MEGF10: variants seen among roughly 807,000 people sequenced by gnomAD.
MEGF10 encodes multiple EGF like domains 10.
Under a neutral mutation model 147.5 loss-of-function variants are expected in MEGF10, and 86 were observed. The observed-to-expected ratio is 0.58, with a 90% confidence interval of 0.49 to 0.70. The LOEUF (loss-of-function observed/expected upper bound fraction) is 0.70. MEGF10 is among the 30% of genes least tolerant of loss of function. The probability of loss-of-function intolerance (pLI) is 0.00; values close to 1 mark genes in which losing one functional copy is unlikely to be tolerated. For synonymous variants in MEGF10, 478 were observed against 525.5 expected (o/e 0.91, Z 1.24); for missense variants, 1,329 against 1,487.3 (o/e 0.89, Z 1.75).
intron 4 of MEGF10, among the ~76,000 whole-genome samples, chr5:127,341,779 T>C (rs913264494): frequency 2.0e-5 from 3 of 152,218 alleles, no homozygotes; most frequent in African/African-American, 7.2e-5. Context: ...TTCTGTAACA[T>C]ATTGCAAATG....
intron 6 of MEGF10, among the ~76,000 whole-genome samples, chr5:127,397,192 G>A (rs1763951820): frequency 6.6e-6 from 1 of 152,204 alleles, no homozygotes; most frequent in Non-Finnish European, 1.5e-5. Flanking sequence ...ATTAGCTGGG[G>A]AAAGCTGGGT....
the MEGF10 span, chr5:127,229,453 G>A: frequency 6.6e-6 from 1 of 152,022 alleles, no homozygotes; most frequent in East Asian, 2.0e-4. Context: ...TCACCTCGCC[G>A]GGTCGAGGCC....
chr5:127,396,637 T>G lies in MEGF10; in HGVS notation c.518T>G (p.Phe173Cys). The G allele has an allele frequency of 6.2e-7, 1 of 1,614,028 alleles. No individual in the cohort carries two copies. Among genetic ancestry groups the G allele is most frequent in the Non-Finnish European group, 8.5e-7 (1 of 1,179,978 alleles). The change falls in exon 6 of 25, where the codon TTC (phenylalanine) becomes TGC (cysteine). Residue 173 changes from phenylalanine to cysteine, a missense_variant. Phe to Cys is a radical substitution (Grantham distance 205). This residue lies in a region of MEGF10 where 980 missense variants were observed against 1,085.9 expected (regional missense o/e 0.90). Coordinates refer to ENST00000503335, the MANE Select transcript of MEGF10 (RefSeq NM_001256545.2). ...ITGACHCAAGFRGWRCEDRCE... is the reference protein window; with the variant it reads ...ITGACHCAAGCRGWRCEDRCE... ...GGGGCTTGCCACTGTGCTGCGGGCTTCCGGGGCTGGCGCTGCGAGGACCGC... is the reference window on the plus strand; with the variant it reads ...GGGGCTTGCCACTGTGCTGCGGGCTGCCGGGGCTGGCGCTGCGAGGACCGC...
At chr5:127,438,111 C>T (rs973878694) in intron 16 of MEGF10, among the ~76,000 whole-genome samples, 13 of 152,190 alleles carry the variant, frequency 8.5e-5, no homozygotes, top group Admixed American at 2.0e-4. Flanking sequence ...TCTGCTATCT[C>T]CCTTGGGCCT....
At chr5:127,327,923 G>A (rs1472403127) in intron 1 of MEGF10, among the ~76,000 whole-genome samples, 1 of 151,904 alleles carries the variant, frequency 6.6e-6, no homozygotes, top group Admixed American at 6.6e-5. Flanking sequence ...CACCATGTTG[G>A]CCAGGGTGGT....
rs1766427730 is a variant in MEGF10 at position 127,458,008 on chromosome 5, A to T, written c.*690A>T. ...GAAGTATTGCAGAAGTCAATACACA[A>T]ATGTGCCAGGCAGAGGTGGTTTTCT... On this transcript the variant is annotated 3_prime_UTR_variant, in exon 25 of 25. Coordinates refer to ENST00000503335, the MANE Select transcript of MEGF10 (RefSeq NM_001256545.2). 6.6e-6 allele frequency: 1 copy of T among 152,174 alleles called. No individual in the cohort carries two copies. The highest frequency in any genetic ancestry group is 1.5e-5 in the Non-Finnish European group (1 of 68,036). 9.4% of individuals were successfully genotyped at this position (152,174 alleles called of 1,614,324 possible).
intron 4 of MEGF10, among the ~76,000 whole-genome samples, chr5:127,355,005 T>G (rs2126827914): frequency 6.6e-6 from 1 of 152,314 alleles, no homozygotes; most frequent in Non-Finnish European, 1.5e-5. Context: ...ACACATTTAA[T>G]TATTTATCCT....
At chr5:127,340,461 A>T in intron 3 of MEGF10, 69 bp from the exon 4 acceptor site, 1 of 1,162,674 alleles carries the variant, frequency 8.6e-7, no homozygotes, top group Non-Finnish European at 1.3e-6. Flanking sequence ...ATTTCTTCAT[A>T]ACTAGTTTGA....
intron 10 of MEGF10, 140 bp downstream of exon 10, chr5:127,417,952 G>A (rs1394043893): frequency 5.8e-6 from 5 of 869,304 alleles, no homozygotes; most frequent in East Asian, 3.0e-5. Context: ...AGAAAATGAG[G>A]GGAAAAATGC....
intron 9 of MEGF10, among the ~76,000 whole-genome samples, chr5:127,413,113 G>T (rs1303506705): frequency 2.0e-5 from 3 of 152,134 alleles, no homozygotes; most frequent in Non-Finnish European, 2.9e-5. Flanking sequence ...GTGTTGCAAA[G>T]AATTTGTAGA....
chr5:127,310,513 C>A (rs138939625), intron 1 of MEGF10, among the ~76,000 whole-genome samples: 2 of 152,022 alleles, frequency 1.3e-5, no homozygotes, highest in Non-Finnish European at 1.5e-5. Flanking sequence ...TTAAGGATAG[C>A]CCCTTTCTCT....
chr5:127,323,712 G>A (rs75801243), intron 1 of MEGF10, among the ~76,000 whole-genome samples: 3,915 of 152,298 alleles, frequency 0.026, 106 homozygotes, highest in South Asian at 0.085. Context: ...CACAGTTTCT[G>A]TGGGCTAGGA....
the MEGF10 span, among the ~76,000 whole-genome samples, chr5:127,248,416 A>T: frequency 1.3e-5 from 2 of 152,164 alleles, no homozygotes; most frequent in African/African-American, 4.8e-5. Context: ...TCCTGAGATG[A>T]TTCAGATTTT....
At chr5:127,421,515 G>A (rs1765003585) in intron 12 of MEGF10, among the ~76,000 whole-genome samples, 1 of 152,132 alleles carries the variant, frequency 6.6e-6, no homozygotes, top group Admixed American at 6.5e-5. Flanking sequence ...TGTGGTGAAA[G>A]AGCTGAACTT....
chr5:127,330,468 T>A (rs1212253560), intron 1 of MEGF10, among the ~76,000 whole-genome samples: 1 of 152,160 alleles, frequency 6.6e-6, no homozygotes, highest in Non-Finnish European at 1.5e-5. Flanking sequence ...TACATGTGGA[T>A]CCCTCTGCCT....
chr5:127,258,473 G>A, the MEGF10 span, among the ~76,000 whole-genome samples: 1 of 151,918 alleles, frequency 6.6e-6, no homozygotes, highest in Non-Finnish European at 1.5e-5. Context: ...TGATTTTTTT[G>A]CTTCAAATTT....
the MEGF10 span, among the ~76,000 whole-genome samples, chr5:127,246,542 A>G: frequency 6.6e-5 from 10 of 151,986 alleles, no homozygotes; most frequent in East Asian, 1.7e-3. Flanking sequence ...ACCATGGCAC[A>G]TGTATACCTA....
chr5:127,363,097 G>T (rs979948738), intron 4 of MEGF10, among the ~76,000 whole-genome samples: 31 of 152,118 alleles, frequency 2.0e-4, no homozygotes, highest in African/African-American at 7.2e-4. Context: ...ACTTGCACTA[G>T]GTCGTGACAC....
chr5:127,419,917 T>A (rs1764925815), intron 11 of MEGF10, 127 bp from the exon 12 acceptor site: 3 of 1,111,920 alleles, frequency 2.7e-6, no homozygotes, highest in Non-Finnish European at 3.8e-6. Context: ...GAACCAGTGT[T>A]CTCTGCTGCT....
Sources: allele counts gnomAD v4.1 joint callset (sites outside exome capture counted in the v4.1 genomes callset), GRCh38; gene constraint gnomAD v4.1.1; regional missense constraint gnomAD v4.1.1; transcripts MANE v1.5; gene names NCBI Gene and HGNC (gene_info 2026-07-23, HGNC 2026-07-21).